The following GRID1 variants were observed in gnomAD, a reference collection of about 807,000 sequenced individuals.
The protein encoded by GRID1 is glutamate receptor ionotropic, delta-1.
Under a neutral mutation model 98.0 loss-of-function variants are expected in GRID1, and 28 were observed. The ratio of observed to expected loss-of-function variants is 0.29; its 90% confidence interval spans 0.21 to 0.39. The LOEUF (loss-of-function observed/expected upper bound fraction) is 0.39, where lower values mean the gene tolerates loss of function less well. Among genes scored for constraint, GRID1 ranks in the 10% least tolerant of loss-of-function variants. The pLI is 1.00. For synonymous variants in GRID1, 553 were observed against 538.5 expected (o/e 1.03, Z -0.37); for missense variants, 1,111 against 1,340.5 (o/e 0.83, Z 2.67).
intron 15 of GRID1, chr10:85,607,336 C>G (rs553468556): frequency 3.3e-5 from 5 of 152,344 alleles, no homozygotes; most frequent in Admixed American, 2.0e-4. Context: ...GGATGAGGAA[C>G]TTCCCCCTGA....
chr10:85,627,353 G>A (rs1172589523), intron 13 of GRID1, among the ~76,000 whole-genome samples: 1 of 152,168 alleles, frequency 6.6e-6, no homozygotes, highest in African/African-American at 2.4e-5. Context: ...TGTGTGATGT[G>A]CTCAGGATCT....
At chr10:86,066,763 C>T (rs2131917535) in intron 4 of GRID1, among the ~76,000 whole-genome samples, 1 of 152,342 alleles carries the variant, frequency 6.6e-6, no homozygotes, top group South Asian at 2.1e-4. Flanking sequence ...GCTCTGTGTG[C>T]TCTTTCCTGT....
chr10:85,961,627 T>G (rs1842268567), intron 4 of GRID1, among the ~76,000 whole-genome samples: 1 of 147,858 alleles, frequency 6.8e-6, no homozygotes, highest in Admixed American at 6.7e-5. Context: ...TTTTCTGCCT[T>G]TCATCTGTTT....
chr10:86,288,146 C>T (rs1401061317), intron 2 of GRID1, among the ~76,000 whole-genome samples: 1 of 152,172 alleles, frequency 6.6e-6, no homozygotes, highest in Non-Finnish European at 1.5e-5. Context: ...CACATCTGCC[C>T]ACCTGCCACA....
At chr10:85,616,858 C>A (rs1842795457) in intron 14 of GRID1, among the ~76,000 whole-genome samples, 1 of 152,126 alleles carries the variant, frequency 6.6e-6, no homozygotes, top group Non-Finnish European at 1.5e-5. Flanking sequence ...CATTCAATAG[C>A]TGTGGAGCCT....
intron 8 of GRID1, among the ~76,000 whole-genome samples, chr10:85,768,779 T>C (rs976494314): frequency 6.6e-6 from 1 of 152,254 alleles, no homozygotes; most frequent in African/African-American, 2.4e-5. Flanking sequence ...CCCCAATGCA[T>C]TGTTGACAGA....
intron 5 of GRID1, among the ~76,000 whole-genome samples, chr10:85,901,335 C>T (rs1423191128): frequency 6.6e-6 from 1 of 151,874 alleles, no homozygotes; most frequent in Non-Finnish European, 1.5e-5. Flanking sequence ...CAAGCTCTGC[C>T]TCATGGGTTC....
At chr10:85,934,895 G>T (rs753064949) in intron 4 of GRID1, among the ~76,000 whole-genome samples, 16 of 152,134 alleles carry the variant, frequency 1.1e-4, no homozygotes, top group Non-Finnish European at 1.9e-4. Flanking sequence ...TGTAGACTTT[G>T]GTTGGGATAA....
intron 2 of GRID1, among the ~76,000 whole-genome samples, chr10:86,261,406 C>T (rs1003444949): frequency 1.3e-5 from 2 of 152,188 alleles, no homozygotes; most frequent in African/African-American, 4.8e-5. Flanking sequence ...GCACTTAGCA[C>T]AGAGCCTGGC....
intron 4 of GRID1, among the ~76,000 whole-genome samples, chr10:85,989,962 C>T (rs2131867311): frequency 6.6e-6 from 1 of 152,240 alleles, no homozygotes; most frequent in Admixed American, 6.5e-5. Flanking sequence ...GCCCCTTCAG[C>T]CCTGTGAAAT....
chr10:85,659,207 G>C (rs1481006342), intron 12 of GRID1, among the ~76,000 whole-genome samples: 2 of 152,378 alleles, frequency 1.3e-5, no homozygotes, highest in South Asian at 4.1e-4. Context: ...GTGCACACCT[G>C]TTCCGGCCTG....
intron 5 of GRID1, among the ~76,000 whole-genome samples, chr10:85,873,771 T>C (rs1260234409): frequency 6.6e-6 from 1 of 152,236 alleles, no homozygotes; most frequent in African/African-American, 2.4e-5. Flanking sequence ...TCAAACTTCG[T>C]TGTGTATCAG....
chr10:85,829,302 C>T (rs75230380), intron 8 of GRID1, among the ~76,000 whole-genome samples: 5,027 of 151,630 alleles, frequency 0.033, 127 homozygotes, highest in Non-Finnish European at 0.047. Context: ...AATAACATAC[C>T]TCAAAAAAAA....
chr10:86,196,161 T>A (rs1845869216), intron 3 of GRID1, among the ~76,000 whole-genome samples: 1 of 151,990 alleles, frequency 6.6e-6, no homozygotes, highest in African/African-American at 2.4e-5. Context: ...GCCATGCCAT[T>A]CACACCCTGG....
intron 5 of GRID1, among the ~76,000 whole-genome samples, chr10:85,881,744 C>T (rs1482180452): frequency 6.6e-6 from 1 of 152,126 alleles, no homozygotes; most frequent in Non-Finnish European, 1.5e-5. Flanking sequence ...ACACCAAAAG[C>T]AATGGCAACA....
At chr10:85,776,372 C>G (rs901111281) in intron 8 of GRID1, among the ~76,000 whole-genome samples, 1 of 152,170 alleles carries the variant, frequency 6.6e-6, no homozygotes, top group African/African-American at 2.4e-5. Flanking sequence ...GTAGAGCAGA[C>G]AATTGATAGC....
chr10:85,954,024 C>A (rs1258434794), intron 4 of GRID1, among the ~76,000 whole-genome samples: 1 of 152,118 alleles, frequency 6.6e-6, no homozygotes, highest in Non-Finnish European at 1.5e-5. Context: ...TCCTTCTGAA[C>A]TTGGAATTTG....
chr10:85,811,365 A>C (rs1242298544), intron 8 of GRID1, among the ~76,000 whole-genome samples: 1 of 152,194 alleles, frequency 6.6e-6, no homozygotes, highest in African/African-American at 2.4e-5. Context: ...AAAGTAACAC[A>C]ATAATTTTGC....
intron 4 of GRID1, among the ~76,000 whole-genome samples, chr10:85,944,764 G>T (rs918603496): frequency 3.3e-5 from 5 of 151,980 alleles, no homozygotes; most frequent in African/African-American, 1.2e-4. Context: ...AAATACTAAA[G>T]GAGTAAATTA....
Sources: gnomAD v4.1 joint callset for allele counts (sites outside exome capture counted in the v4.1 genomes callset) on GRCh38, gnomAD v4.1.1 for gene constraint, MANE v1.5 for transcripts, NCBI Gene and HGNC (gene_info 2026-07-23, HGNC 2026-07-21) for gene names.